Variants in RGS6 observed in about 807,000 individuals in gnomAD.
RGS6 encodes the protein regulator of G protein signaling 6.
Under a neutral mutation model 78.5 loss-of-function variants are expected in RGS6, and 30 were observed. The ratio of observed to expected loss-of-function variants is 0.38; its 90% CI spans 0.29 to 0.52. RGS6 has a LOEUF of 0.52. RGS6 is among the 20% of genes least tolerant of loss of function. The pLI, the probability that RGS6 is intolerant of heterozygous loss-of-function variation, is 0.85. For missense variants in RGS6, 495 were observed against 609.7 expected, an observed-to-expected ratio of 0.81 and a Z score of 1.98; for synonymous variants, 206 against 206.0, an observed-to-expected ratio of 1.00 and a Z score of 0.00.
At chr14:72,416,942 A>G (rs1429211753) in intron 3 of RGS6, among the ~76,000 whole-genome samples, 1 of 152,220 alleles carries the variant, frequency 6.6e-6, no homozygotes, top group Non-Finnish European at 1.5e-5. Flanking sequence ...TGGTGTGTAT[A>G]AAACACTTGG....
the RGS6 span, among the ~76,000 whole-genome samples, chr14:71,871,626 C>G: frequency 6.6e-6 from 1 of 152,094 alleles, no homozygotes; most frequent in South Asian, 2.1e-4. Flanking sequence ...GCTCATGTTA[C>G]CTAGGTGTCA....
chr14:72,235,609 C>A (rs1222661342), intron 2 of RGS6, among the ~76,000 whole-genome samples: 1 of 152,184 alleles, frequency 6.6e-6, no homozygotes, highest in Non-Finnish European at 1.5e-5. Context: ...GTAGCAGCCA[C>A]CTGAATTTTA....
intron 17 of RGS6, chr14:72,547,232 G>T (rs1205957056): frequency 6.5e-7 from 1 of 1,535,646 alleles, no homozygotes; most frequent in East Asian, 2.4e-5. Flanking sequence ...GCATCCAATG[G>T]CAGGAGTCTG....
At chr14:72,456,690 G>GGATTTT (rs1248645726) in intron 4 of RGS6, among the ~76,000 whole-genome samples, 1 of 152,160 alleles carries the variant, frequency 6.6e-6, no homozygotes, top group East Asian at 1.9e-4. Context: ...CCTTCCTACA[G>GGATTTT]GATTTTGTTC....
the RGS6 span, among the ~76,000 whole-genome samples, chr14:71,894,169 G>A: frequency 1.0e-3 from 157 of 152,248 alleles, no homozygotes; most frequent in Non-Finnish European, 1.6e-3. Context: ...CATTTTGAGT[G>A]AGGGCTAGGA....
At chr14:72,326,098 A>G (rs73304980) in intron 2 of RGS6, among the ~76,000 whole-genome samples, 6,827 of 152,296 alleles carry the variant, frequency 0.045, 471 homozygotes, top group African/African-American at 0.15. Flanking sequence ...TGAATGATGT[A>G]TGTACATGAA....
intron 2 of RGS6, among the ~76,000 whole-genome samples, chr14:72,227,561 A>G (rs1328864464): frequency 6.6e-6 from 1 of 152,230 alleles, no homozygotes; most frequent in Non-Finnish European, 1.5e-5. Flanking sequence ...AATGCCAGTC[A>G]TTCTACAAAT....
At chr14:72,571,459 T>G (rs1216612055), downstream of RGS6, among the ~76,000 whole-genome samples, 1 of 152,138 alleles carries the variant, frequency 6.6e-6, no homozygotes, top group Non-Finnish European at 1.5e-5. Context: ...AGGACAGTAC[T>G]GGTAAGAGGA....
intron 2 of RGS6, among the ~76,000 whole-genome samples, chr14:71,979,120 C>T (rs914611513): frequency 1.3e-5 from 2 of 149,418 alleles, no homozygotes; most frequent in Non-Finnish European, 3.0e-5. Context: ...TCCCCTTTAT[C>T]ATTTTTTATT....
At chr14:72,027,261 T>C (rs8019795) in intron 2 of RGS6, among the ~76,000 whole-genome samples, 6,588 of 152,064 alleles carry the variant, frequency 0.043, 473 homozygotes, top group African/African-American at 0.15. Context: ...GTGTGTATAA[T>C]ATACACTTGC....
At chr14:71,910,699 G>C in the RGS6 span, among the ~76,000 whole-genome samples, 1 of 152,332 alleles carries the variant, frequency 6.6e-6, no homozygotes, top group African/African-American at 2.4e-5. Context: ...GATTTGAGAG[G>C]TATCAAGAAG....
intron 2 of RGS6, among the ~76,000 whole-genome samples, chr14:72,336,757 T>G (rs908529098): frequency 1.3e-5 from 2 of 152,054 alleles, no homozygotes; most frequent in Non-Finnish European, 2.9e-5. Flanking sequence ...ACTACAGTTC[T>G]GGAGACCAGA....
At chr14:72,056,244 T>C (rs1290684419) in intron 2 of RGS6, among the ~76,000 whole-genome samples, 1 of 152,200 alleles carries the variant, frequency 6.6e-6, no homozygotes, top group Non-Finnish European at 1.5e-5. Flanking sequence ...CAGAGCTCCC[T>C]AGGGGACTAG....
chr14:72,317,047 T>C (rs2070481021), intron 2 of RGS6, among the ~76,000 whole-genome samples: 1 of 152,224 alleles, frequency 6.6e-6, no homozygotes, highest in East Asian at 1.9e-4. Flanking sequence ...CAACAAAAGA[T>C]GCAAAAGTCA....
chr14:72,039,568 C>T lies in RGS6; in HGVS notation c.84+74693C>T, dbSNP rs74581977. Among the ~76,000 whole-genome samples, 618 of 151,448 alleles carry T rather than the reference C, an allele frequency of 4.1e-3. 7 individuals carry two copies. Among genetic ancestry groups the T allele is most frequent in the African/African-American group, 0.015 (599 of 40,822 alleles). ...ATCTTTTTCCATTCTTTCATTTCAG[C>T]TTATGTGTGCCATTATATCTAAAGG... On this transcript the variant is annotated intron_variant, in intron 2 of 17. Coordinates refer to ENST00000553525, the MANE Select transcript of RGS6 (RefSeq NM_001204424.2).
intron 2 of RGS6, among the ~76,000 whole-genome samples, chr14:72,278,961 A>G (rs1471279331): frequency 6.6e-6 from 1 of 152,022 alleles, no homozygotes; most frequent in Non-Finnish European, 1.5e-5. Context: ...CTTTGTGCAC[A>G]TGTGGAGAGA....
At chr14:72,544,440 G>C (rs1451507418) in intron 17 of RGS6, among the ~76,000 whole-genome samples, 2 of 152,160 alleles carry the variant, frequency 1.3e-5, no homozygotes. Context: ...CCAGCCTTGG[G>C]CTCCAAAGAT....
At chr14:72,476,994 G>A (rs2096255482) in intron 11 of RGS6, 154 bp downstream of exon 11, 2 of 630,954 alleles carry the variant, frequency 3.2e-6, no homozygotes, top group Non-Finnish European at 5.6e-6. Context: ...AGTGCTGTGT[G>A]TGAACAAGCC....
intron 2 of RGS6, among the ~76,000 whole-genome samples, chr14:72,028,446 AAGG>A (rs2090293909): frequency 6.6e-6 from 1 of 152,206 alleles, no homozygotes; most frequent in African/African-American, 2.4e-5. Context: ...TTAGCTCTGA[AAGG>A]AGAATTTATT....
Sources: gnomAD v4.1 joint callset for allele counts (sites outside exome capture counted in the v4.1 genomes callset) on GRCh38, gnomAD v4.1.1 for gene constraint, MANE v1.5 for transcripts, NCBI Gene and HGNC (gene_info 2026-07-23, HGNC 2026-07-21) for gene names.